FANCM: variants seen among roughly 807,000 people sequenced by gnomAD.
FANCM encodes the protein FA complementation group M, also known as Fanconi anemia group M protein.
Under a neutral mutation model 199.5 loss-of-function variants are expected in FANCM, and 140 were observed. The observed-to-expected ratio is 0.70, with a 90% CI of 0.61 to 0.81. The LOEUF is 0.81. Among genes scored for constraint, FANCM ranks in the 30% least tolerant of loss-of-function variants. The pLI is 0.00. For missense variants in FANCM, 2,410 were observed against 2,421.4 expected (o/e 1.00, Z 0.10); for synonymous variants, 840 against 836.8 (o/e 1.00, Z -0.07).
intron 3 of FANCM, among the ~76,000 whole-genome samples, chr14:45,143,890 C>T (rs145624594): frequency 0.019 from 2,817 of 151,796 alleles, 47 homozygotes; most frequent in African/African-American, 0.038. Flanking sequence ...GACGGGGTTT[C>T]ACCATGTTGG....
At chr14:45,168,977 A>C (rs1317541943) in intron 11 of FANCM, among the ~76,000 whole-genome samples, 2 of 151,854 alleles carry the variant, frequency 1.3e-5, no homozygotes, top group Non-Finnish European at 2.9e-5. Context: ...GCTGGAGTGC[A>C]GTGGCATGAT....
chr14:45,187,924 T>A (rs1419617019), intron 19 of FANCM, 37 bp downstream of exon 19: 1 of 1,024,072 alleles, frequency 9.8e-7, no homozygotes. Context: ...AATTTCTGGA[T>A]GATGATGTTG....
At position 45,136,011 on chromosome 14, in the gene FANCM, C is replaced by T. The variant is rs1387801764; in HGVS notation, c.-21C>T. 6.2e-7 allele frequency: 1 copy of T among 1,612,636 alleles called. No homozygotes were observed. The highest frequency in any genetic ancestry group is 8.5e-7 in the Non-Finnish European group (1 of 1,179,910). The stretch of plus-strand genomic sequence containing the variant: ...TGCTGCTACGGATATCTGACAGAAG[C>T]CTTCGGTGGTTGTCGGCCTAATGAG... On this transcript the variant is annotated 5_prime_UTR_variant, in exon 1 of 23. Coordinates refer to ENST00000267430, the MANE Select transcript of FANCM (RefSeq NM_020937.4).
At chr14:45,145,350 A>C (rs903614429) in intron 3 of FANCM, among the ~76,000 whole-genome samples, 2 of 152,004 alleles carry the variant, frequency 1.3e-5, no homozygotes, top group Admixed American at 6.6e-5. Context: ...TCACTAGGTC[A>C]CGTGCCCCCC....
intron 3 of FANCM, among the ~76,000 whole-genome samples, chr14:45,143,404 CTCCTGGGCTCAAGT>C (rs1336638751): frequency 6.6e-6 from 1 of 152,004 alleles, no homozygotes; most frequent in Non-Finnish European, 1.5e-5. Flanking sequence ...TGGTCTCAAA[CTCCTGGGCTCAAGT>C]GATCCACCTG....
At chr14:45,138,265 T>A (rs965724870) in intron 2 of FANCM, among the ~76,000 whole-genome samples, 14 of 152,066 alleles carry the variant, frequency 9.2e-5, no homozygotes, top group Non-Finnish European at 1.9e-4. Flanking sequence ...AGAGCAAGAA[T>A]AAAAGAGGGA....
chr14:45,150,207 T>A (rs1346902245), intron 4 of FANCM, among the ~76,000 whole-genome samples: 1 of 152,248 alleles, frequency 6.6e-6, no homozygotes, highest in African/African-American at 2.4e-5. Flanking sequence ...ACAGCTTTTT[T>A]GTTTTTAAAT....
chr14:45,174,160 G>T (rs1888514933), intron 13 of FANCM, among the ~76,000 whole-genome samples: 1 of 127,714 alleles, frequency 7.8e-6, no homozygotes, highest in Admixed American at 8.1e-5. Context: ...GCCGAAGCAG[G>T]CAGATCACTT....
Position 45,170,623 on chromosome 14 carries a change from C to A in FANCM, c.2037C>A (p.Phe679Leu). The A allele has an allele frequency of 1.3e-6, 2 of 1,599,800 alleles. No individual in the cohort carries two copies. Among genetic ancestry groups the A allele is most frequent in the South Asian group, 2.2e-5 (2 of 90,692 alleles). ...AAAGTAGCCTAAAGAAAGATTGGTT[C>A]TTATCAGAAGAAGAATTTAAATTAT... is the stretch of plus-strand genomic sequence containing the variant. ...MRQSSLKKDW[F>L]LSEEEFKLWN... The change falls in exon 12 of 23, where the codon TTC (phenylalanine) becomes TTA (leucine). Residue 679 changes from phenylalanine (F) to leucine (L), a missense_variant. By Grantham distance (22) the Phe-to-Leu change is conservative. Coordinates refer to ENST00000267430, the MANE Select transcript of FANCM (RefSeq NM_020937.4).
At chr14:45,146,564 C>T (rs1267436295) in intron 3 of FANCM, among the ~76,000 whole-genome samples, 2 of 151,864 alleles carry the variant, frequency 1.3e-5, no homozygotes, top group African/African-American at 4.8e-5. Context: ...GTTTTTCAGT[C>T]AGCTTAAAAA....
chr14:45,182,933 ATTTAT>A (rs1335383174), intron 16 of FANCM, among the ~76,000 whole-genome samples: 1 of 152,154 alleles, frequency 6.6e-6, no homozygotes, highest in East Asian at 1.9e-4. Flanking sequence ...ATCTCATGTA[ATTTAT>A]TAATAATACT....
chr14:45,150,910 T>C (rs934152445), intron 4 of FANCM, among the ~76,000 whole-genome samples: 4 of 152,186 alleles, frequency 2.6e-5, no homozygotes, highest in African/African-American at 4.8e-5. Context: ...ACATAGTAGA[T>C]GGTTAATAAA....
intron 3 of FANCM, among the ~76,000 whole-genome samples, chr14:45,145,788 G>A (rs990620871): frequency 1.3e-5 from 2 of 151,966 alleles, no homozygotes; most frequent in African/African-American, 2.4e-5. Flanking sequence ...GGCCGGGCGC[G>A]GTGGCTCACG....
intron 10 of FANCM, among the ~76,000 whole-genome samples, chr14:45,166,143 A>C (rs1229595223): frequency 1.3e-5 from 2 of 151,606 alleles, no homozygotes; most frequent in Non-Finnish European, 2.9e-5. Context: ...AAAAAAAAAA[A>C]ACAAAAAAAA....
At chr14:45,148,216 C>T (rs1210873105) in intron 3 of FANCM, among the ~76,000 whole-genome samples, 1 of 151,670 alleles carries the variant, frequency 6.6e-6, no homozygotes, top group East Asian at 1.9e-4. Context: ...CACACACACA[C>T]ACACACACAC....
chr14:45,166,370 C>G (rs1724112438), intron 10 of FANCM, among the ~76,000 whole-genome samples: 1 of 152,086 alleles, frequency 6.6e-6, no homozygotes, highest in African/African-American at 2.4e-5. Flanking sequence ...AACTCCGGAC[C>G]TCGTGATCTG....
At chr14:45,161,095 G>A (rs953541562) in intron 9 of FANCM, among the ~76,000 whole-genome samples, 4 of 152,064 alleles carry the variant, frequency 2.6e-5, no homozygotes, top group Admixed American at 1.3e-4. Flanking sequence ...TACCCAATCC[G>A]ATCTCTGATC....
At chr14:45,156,245 C>T (rs1272157042) in intron 8 of FANCM, among the ~76,000 whole-genome samples, 2 of 152,098 alleles carry the variant, frequency 1.3e-5, no homozygotes, top group Non-Finnish European at 2.9e-5. Context: ...CAGTAGGGTG[C>T]TTGGTGTGAT....
intron 8 of FANCM, 65 bp downstream of exon 8, chr14:45,155,524 G>C: frequency 1.2e-6 from 1 of 865,680 alleles, no homozygotes; most frequent in Non-Finnish European, 2.0e-6. Flanking sequence ...CTTTACTTAT[G>C]GCTGGGTGCA....
Sources: gnomAD v4.1 joint callset for allele counts (sites outside exome capture counted in the v4.1 genomes callset) on GRCh38, gnomAD v4.1.1 for gene constraint, MANE v1.5 for transcripts, NCBI Gene and HGNC (gene_info 2026-07-23, HGNC 2026-07-21) for gene names.